SF3B1: variants seen among roughly 807,000 people sequenced by gnomAD.
SF3B1 encodes the protein splicing factor 3b subunit 1.
Under a neutral mutation model 153.8 loss-of-function variants are expected in SF3B1, and 12 were observed. That is an observed-to-expected ratio of 0.08 (90% CI 0.05 to 0.13). The LOEUF is 0.13. Among genes scored for constraint, SF3B1 ranks in the 10% least tolerant of loss-of-function variants. The probability of loss-of-function intolerance (pLI) is 1.00; values close to 1 mark genes in which losing one functional copy is unlikely to be tolerated. For missense variants in SF3B1, 513 were observed against 1,606.1 expected (o/e 0.32, Z 11.63); for synonymous variants, 498 against 525.2 (o/e 0.95, Z 0.71).
At chr2:197,421,654 T>A (rs189359530) in intron 2 of SF3B1, among the ~76,000 whole-genome samples, 22 of 152,216 alleles carry the variant, frequency 1.4e-4, no homozygotes, top group African/African-American at 5.3e-4. Context: ...GGAGAATGGC[T>A]TGAGTGTAGG....
intron 6 of SF3B1, among the ~76,000 whole-genome samples, chr2:197,411,488 A>C (rs1378923466): frequency 6.6e-6 from 1 of 151,962 alleles, no homozygotes; most frequent in Non-Finnish European, 1.5e-5. Context: ...CCTGGCTAAC[A>C]TGGTGAAACC....
intron 6 of SF3B1, among the ~76,000 whole-genome samples, chr2:197,412,638 G>C (rs1200407455): frequency 1.3e-5 from 2 of 151,626 alleles, no homozygotes; most frequent in Non-Finnish European, 2.9e-5. Flanking sequence ...TTACAGGCGT[G>C]AGCCACCGCG....
chr2:197,410,199 T>C (rs1217489380), intron 6 of SF3B1, among the ~76,000 whole-genome samples, 192 bp from the exon 7 acceptor site: 2 of 152,106 alleles, frequency 1.3e-5, no homozygotes, highest in Non-Finnish European at 2.9e-5. Context: ...TTAAAAACAA[T>C]GTAAAGTTTC....
intron 4 of SF3B1, 130 bp downstream of exon 4, chr2:197,420,298 A>G (rs1176489161): frequency 6.2e-6 from 4 of 649,214 alleles, no homozygotes; most frequent in Non-Finnish European, 1.1e-5. Context: ...ACATCTATAC[A>G]AATCTATAGT....
chr2:197,423,675 TCC>T, intron 2 of SF3B1, 131 bp downstream of exon 2: 1 of 748,472 alleles, frequency 1.3e-6, no homozygotes, highest in Non-Finnish European at 2.2e-6. Context: ...AGAGGATACC[TCC>T]AGTAGTTTTA....
At chr2:197,405,221 T>G in intron 10 of SF3B1, 44 bp from the exon 11 acceptor site, 1 of 1,596,286 alleles carries the variant, frequency 6.3e-7, no homozygotes, top group Non-Finnish European at 8.6e-7. Flanking sequence ...TGAAATGTTA[T>G]GATTTATAAT....
intron 4 of SF3B1, chr2:197,418,902 G>T (rs772115505): frequency 6.3e-7 from 1 of 1,594,858 alleles, no homozygotes; most frequent in Non-Finnish European, 8.5e-7. Context: ...GTACACTTTC[G>T]TGCCTTTGTC....
At chr2:197,418,859 G>A in intron 4 of SF3B1, 7 of 1,559,698 alleles carry the variant, frequency 4.5e-6, no homozygotes, top group Non-Finnish European at 6.1e-6. Flanking sequence ...GTCTTCAGAA[G>A]TGATGGGTTC....
chr2:197,410,499 TAA>T (rs1559269924), intron 6 of SF3B1, among the ~76,000 whole-genome samples: 2 of 129,016 alleles, frequency 1.6e-5, no homozygotes, highest in Non-Finnish European at 3.2e-5. Flanking sequence ...ATCACCTATG[TAA>T]TTTTTTTTTT....
At chr2:197,415,357 A>C (rs893489834) in intron 6 of SF3B1, among the ~76,000 whole-genome samples, 4 of 151,940 alleles carry the variant, frequency 2.6e-5, no homozygotes, top group Non-Finnish European at 5.9e-5. Context: ...GGTTCAAGTG[A>C]TTCTCCTGTC....
At chr2:197,411,890 A>G (rs1219828596) in intron 6 of SF3B1, among the ~76,000 whole-genome samples, 1 of 152,058 alleles carries the variant, frequency 6.6e-6, no homozygotes, top group Admixed American at 6.5e-5. Flanking sequence ...TGAGGCCAGG[A>G]GTTGAGACCA....
Position 197,400,001 on chromosome 2 carries a change from A to G in SF3B1, c.3013+54T>C. The G allele has an allele frequency of 8.0e-7, 1 of 1,246,290 alleles. No individual in the cohort carries two copies. The highest frequency in any genetic ancestry group is 1.1e-6 in the Non-Finnish European group (1 of 872,694). 77.2% of individuals were successfully genotyped at this position (1,246,290 alleles called of 1,614,324 possible). ...TAAGATTTTACTTACGAAAAAAAAA[A>G]GAAAAAGAAAGTTAAAACAAGAAAA... On this transcript the variant is annotated intron_variant, in intron 20 of 24. Coordinates refer to ENST00000335508, the MANE Select transcript of SF3B1 (RefSeq NM_012433.4). This position sits in a 1 kb window ranked among gnomAD's most constrained non-coding sequence, Gnocchi z 5.0.
chr2:197,405,266 A>G lies in SF3B1; in HGVS notation c.1437+9T>C. 3.1e-6 allele frequency: 5 copies of G among 1,602,162 alleles called. No homozygotes were observed. Among genetic ancestry groups the G allele is most frequent in the Non-Finnish European group, 3.4e-6 (4 of 1,169,402 alleles). On this transcript the variant is annotated intron_variant, in intron 10 of 24. Coordinates refer to ENST00000335508, the MANE Select transcript of SF3B1 (RefSeq NM_012433.4). ...CAATTAATAGTTTATTTCTGCTAGT[A>G]TCACTTACCAATAGTTTATCAAAGT...
chr2:197,419,124 C>G, intron 4 of SF3B1: 1 of 568,208 alleles, frequency 1.8e-6, no homozygotes, highest in South Asian at 2.7e-5. Flanking sequence ...AAAAATATAC[C>G]TATAATCTTA....
chr2:197,409,267 C>T (rs1224303397), intron 7 of SF3B1, among the ~76,000 whole-genome samples: 5 of 151,844 alleles, frequency 3.3e-5, no homozygotes, highest in South Asian at 2.1e-4. Context: ...GGCTTGGTGG[C>T]GCATGCCTGT....
rs747905588 is a variant in SF3B1, at chr2:197,398,095, T to C, written c.3156A>G (p.Ala1052=). Residue 1052 remains alanine (A), a synonymous_variant, in exon 22 of 25, where the codon GCA becomes GCG. Transcript: ENST00000335508. ...IADRGAEYVS[A]REWMRICFEL... Reference sequence around the variant, plus strand: ...CAAAGCAAATCCTCATCCACTCTCTTGCAGATACATATTCAGCTCCCCTAA... The same window carrying C: ...CAAAGCAAATCCTCATCCACTCTCTCGCAGATACATATTCAGCTCCCCTAA... The C allele has an allele frequency of 1.9e-6, 3 of 1,611,058 alleles. No homozygotes were observed. The South Asian group carries it at 3.3e-5, about 18-fold the overall frequency.
Position 197,401,638 on chromosome 2 carries a change from T to C in SF3B1, c.2370+104A>G. 6.8e-6 allele frequency: 10 copies of C among 1,466,398 alleles called. No homozygotes were observed. Among genetic ancestry groups the C allele is most frequent in the Non-Finnish European group, 9.4e-6 (10 of 1,068,726 alleles). 90.8% of individuals were successfully genotyped at this position (1,466,398 alleles called of 1,614,324 possible). ...AATTTAAAAACAAATCAAACAGTAT[T>C]CGTGTAACATACAGTTTTTTTTGTT... On this transcript the variant is annotated intron_variant, in intron 16 of 24. Coordinates refer to ENST00000335508, the MANE Select transcript of SF3B1 (RefSeq NM_012433.4). This position sits in a 1 kb window ranked among gnomAD's most constrained non-coding sequence, Gnocchi z 4.2.
At chr2:197,429,054 T>C (rs1479504753) in intron 1 of SF3B1, among the ~76,000 whole-genome samples, 1 of 151,984 alleles carries the variant, frequency 6.6e-6, no homozygotes, top group Non-Finnish European at 1.5e-5. Context: ...TCAAAAACAA[T>C]GAAGACTTGA....
intron 6 of SF3B1, among the ~76,000 whole-genome samples, chr2:197,413,171 T>TG (rs970131939): frequency 3.7e-4 from 56 of 151,910 alleles, no homozygotes; most frequent in Non-Finnish European, 1.3e-4. Flanking sequence ...GAGGCCAAGG[T>TG]GGGGGGATCA....
Sources: gnomAD v4.1 joint callset for allele counts (sites outside exome capture counted in the v4.1 genomes callset) on GRCh38, gnomAD v4.1.1 for gene constraint, Gnocchi (gnomAD v3.1) non-coding constraint, MANE v1.5 for transcripts, NCBI Gene and HGNC (gene_info 2026-07-23, HGNC 2026-07-21) for gene names.